VPS35L: variants seen among roughly 807,000 people sequenced by gnomAD.
VPS35L encodes VPS35 endosomal protein sorting factor like.
A neutral mutation model predicts 133.0 loss-of-function variants in VPS35L; 83 were observed. The observed-to-expected ratio is 0.62, with a 90% confidence interval of 0.52 to 0.75. The LOEUF is 0.75. Among genes scored for constraint, VPS35L ranks in the 30% least tolerant of loss-of-function variants. The pLI is 0.00. For synonymous variants in VPS35L, 423 were observed against 449.9 expected (o/e 0.94, Z 0.76); for missense variants, 1,083 against 1,206.8 (o/e 0.90, Z 1.52).
In VPS35L at chr16:19,608,238, T is replaced by TCAAGATTGCCTCCATCAGGGAACTCATTC; in HGVS notation, c.854_881+1dup. The TCAAGATTGCCTCCATCAGGGAACTCATTC allele has an allele frequency of 6.2e-7, 1 of 1,612,892 alleles. No homozygotes were observed. The stretch of plus-strand genomic sequence containing the variant: ...AAGGAAACATGCCTAAATTGGTTTT[T>TCAAGATTGCCTCCATCAGGGAACTCATTC]CAAGATTGCCTCCATCAGGGAACTC... On this transcript the variant is annotated frameshift_variant, in exon 10 of 31. Transcript: ENST00000417362. LOFTEE classifies it high-confidence loss of function.
intron 16 of VPS35L, among the ~76,000 whole-genome samples, chr16:19,628,194 A>G (rs546001799): frequency 6.6e-6 from 1 of 152,208 alleles, no homozygotes; most frequent in South Asian, 2.1e-4. Flanking sequence ...GCAAGACCCC[A>G]TCTCTACAAA....
At chr16:19,659,451 A>G (rs1280269068) in intron 26 of VPS35L, among the ~76,000 whole-genome samples, 1 of 152,346 alleles carries the variant, frequency 6.6e-6, no homozygotes, top group South Asian at 2.1e-4. Flanking sequence ...ATTCAGAATG[A>G]ACTTAAAAGG....
intron 26 of VPS35L, among the ~76,000 whole-genome samples, chr16:19,659,741 A>G (rs775538715): frequency 1.3e-5 from 2 of 152,222 alleles, no homozygotes; most frequent in Non-Finnish European, 2.9e-5. Flanking sequence ...AGGCTTTGCC[A>G]AAGGCACCCC....
chr16:19,668,122 G>A (rs1974756580), intron 26 of VPS35L, among the ~76,000 whole-genome samples: 1 of 152,150 alleles, frequency 6.6e-6, no homozygotes, highest in South Asian at 2.1e-4. Flanking sequence ...GTGAGCATTT[G>A]CTGTTGCATT....
At chr16:19,613,822 G>A (rs1173330300) in intron 12 of VPS35L, among the ~76,000 whole-genome samples, 1 of 152,138 alleles carries the variant, frequency 6.6e-6, no homozygotes, top group African/African-American at 2.4e-5. Context: ...GGTCCAAGAG[G>A]AAGGTTTGAT....
At chr16:19,661,531 T>G (rs753855813) in intron 26 of VPS35L, among the ~76,000 whole-genome samples, 16 of 152,304 alleles carry the variant, frequency 1.1e-4, no homozygotes, top group Admixed American at 6.5e-4. Flanking sequence ...CCCTGAATTA[T>G]CTACAGGAGC....
intron 28 of VPS35L, among the ~76,000 whole-genome samples, chr16:19,683,862 T>C (rs1448539767): frequency 1.3e-5 from 2 of 152,234 alleles, no homozygotes; most frequent in East Asian, 3.9e-4. Context: ...TTTCAATTCT[T>C]TGAGAAATCT....
chr16:19,580,629 G>A (rs185227306), intron 6 of VPS35L, among the ~76,000 whole-genome samples: 5 of 152,100 alleles, frequency 3.3e-5, no homozygotes, highest in Admixed American at 1.3e-4. Context: ...TCCCCATGAC[G>A]ATCCCTTGCT....
rs148482970 is a variant in VPS35L, at chr16:19,669,719, G to C, written c.2361+420G>C. Reference sequence around the variant, plus strand: ...GAGTTTCACTACTGTTGCCCAGGCTGTAGTGCAATGGCATGATCTTAGCTC... The same window carrying C: ...GAGTTTCACTACTGTTGCCCAGGCTCTAGTGCAATGGCATGATCTTAGCTC... On this transcript the variant is annotated intron_variant, in intron 27 of 30. Coordinates refer to ENST00000417362, the MANE Select transcript of VPS35L (RefSeq NM_020314.7). 7.7e-4 allele frequency among the ~76,000 whole-genome samples: 115 copies of C among 150,266 alleles called. 2 individuals are homozygous for C. In the East Asian group the frequency reaches 0.014, roughly 19 times the overall value.
intron 29 of VPS35L, among the ~76,000 whole-genome samples, chr16:19,698,796 G>A (rs2056565190): frequency 1.3e-5 from 2 of 152,286 alleles, no homozygotes; most frequent in South Asian, 4.1e-4. Context: ...TTTTCCAGGG[G>A]CCTTCGTTTA....
intron 27 of VPS35L, among the ~76,000 whole-genome samples, chr16:19,673,303 C>T (rs1206126962): frequency 6.6e-6 from 1 of 152,216 alleles, no homozygotes; most frequent in East Asian, 1.9e-4. Flanking sequence ...CACAGAAAAT[C>T]CCAGATTTGC....
chr16:19,690,304 T>A (rs1032610600), intron 28 of VPS35L, among the ~76,000 whole-genome samples: 3 of 151,892 alleles, frequency 2.0e-5, no homozygotes, highest in African/African-American at 7.3e-5. Context: ...GAAGTTCAGT[T>A]GAGAGGAAGG....
intron 11 of VPS35L, among the ~76,000 whole-genome samples, chr16:19,609,384 A>G (rs1972636109): frequency 6.6e-6 from 1 of 152,096 alleles, no homozygotes; most frequent in Admixed American, 6.6e-5. Flanking sequence ...CCCTAAGAAG[A>G]GGTCTGAGGG....
intron 2 of VPS35L, among the ~76,000 whole-genome samples, chr16:19,568,327 G>T (rs1434473421): frequency 2.0e-5 from 3 of 150,396 alleles, no homozygotes; most frequent in Non-Finnish European, 3.0e-5. Flanking sequence ...TTGAGACAGG[G>T]TCTCACTGTA....
intron 28 of VPS35L, among the ~76,000 whole-genome samples, chr16:19,688,229 C>T (rs1238976305): frequency 2.6e-5 from 4 of 151,988 alleles, no homozygotes; most frequent in African/African-American, 7.2e-5. Context: ...GCCTGGCCAT[C>T]TCGTGCTGTT....
rs1972052624 is a variant in VPS35L, at chr16:19,591,810, C to T, written c.660C>T (p.Asp220=). The T allele has an allele frequency of 1.2e-6, 2 of 1,612,666 alleles. No homozygotes were observed. Residue 220 remains aspartate, a synonymous_variant, in exon 8 of 31, where the codon GAC becomes GAT. Transcript: ENST00000417362. ...IVIQCSKLLS[D]TSVIQFYPSK... is the part of the protein sequence containing the mutation. ...TTTAGTGTTCAAAGCTTCTTTCAGA[C>T]ACCAGTGTTATTCAGTTCTACCCAA...
At chr16:19,569,648 G>C in intron 3 of VPS35L, 57 bp downstream of exon 3, 1 of 1,462,090 alleles carries the variant, frequency 6.8e-7, no homozygotes, top group Non-Finnish European at 9.1e-7. Context: ...GTGCAGGAAT[G>C]GGTGGTTTTC....
chr16:19,561,539 G>A (rs1397556647), intron 1 of VPS35L, among the ~76,000 whole-genome samples: 1 of 152,074 alleles, frequency 6.6e-6, no homozygotes, highest in Non-Finnish European at 1.5e-5. Flanking sequence ...GAGGATATTG[G>A]GTAAAGCTGA....
intron 29 of VPS35L, among the ~76,000 whole-genome samples, chr16:19,698,578 C>A (rs1036427330): frequency 6.6e-6 from 1 of 152,138 alleles, no homozygotes; most frequent in African/African-American, 2.4e-5. Context: ...TAGGAGTGTA[C>A]CTGCCACGGA....
Sources: gnomAD v4.1 joint callset for allele counts (sites outside exome capture counted in the v4.1 genomes callset) on GRCh38, gnomAD v4.1.1 for gene constraint, MANE v1.5 for transcripts, NCBI Gene and HGNC (gene_info 2026-07-23, HGNC 2026-07-21) for gene names.